NR3C2: variants seen among roughly 807,000 people sequenced by gnomAD.
The protein encoded by NR3C2 is nuclear receptor subfamily 3 group C member 2.
In NR3C2, 15 loss-of-function variants were observed where a neutral mutation model predicts 86.4. The observed-to-expected ratio is 0.17, with a 90% confidence interval of 0.12 to 0.27. The LOEUF (loss-of-function observed/expected upper bound fraction) is 0.27. NR3C2 is among the 10% of genes least tolerant of loss of function. The pLI is 1.00. For missense variants in NR3C2, 960 were observed against 1,195.6 expected (o/e 0.80, Z 2.91); for synonymous variants, 458 against 450.5 (o/e 1.02, Z -0.21).
chr4:148,327,028 A>G (rs1461220220), intron 2 of NR3C2, among the ~76,000 whole-genome samples: 3 of 152,196 alleles, frequency 2.0e-5, no homozygotes, highest in Non-Finnish European at 2.9e-5. Flanking sequence ...CCACGGTTGA[A>G]TAAGAATTAT....
At chr4:148,107,288 A>G (rs1183602785) in intron 8 of NR3C2, among the ~76,000 whole-genome samples, 2 of 152,244 alleles carry the variant, frequency 1.3e-5, no homozygotes, top group Non-Finnish European at 2.9e-5. Context: ...AATAAAAACC[A>G]CGATGAGATA....
intron 4 of NR3C2, among the ~76,000 whole-genome samples, chr4:148,184,732 C>A (rs1404370627): frequency 6.6e-6 from 1 of 152,082 alleles, no homozygotes; most frequent in Non-Finnish European, 1.5e-5. Flanking sequence ...TGGCTGTACC[C>A]TTGTGTCATC....
intron 3 of NR3C2, among the ~76,000 whole-genome samples, chr4:148,235,046 T>A (rs1436794713): frequency 6.6e-6 from 1 of 152,074 alleles, no homozygotes; most frequent in Non-Finnish European, 1.5e-5. Flanking sequence ...GGTCAATAAA[T>A]CGCATTTAAA....
chr4:148,265,122 T>G lies in NR3C2; in HGVS notation c.1758-5005A>C, dbSNP rs1024431050. 1.3e-5 allele frequency among the ~76,000 whole-genome samples: 2 copies of G among 152,290 alleles called. 1 individual carries two copies. The highest frequency in any genetic ancestry group is 4.8e-5 in the African/African-American group (2 of 41,578). On this transcript the variant is annotated intron_variant, in intron 2 of 8. Coordinates refer to ENST00000358102, the MANE Select transcript of NR3C2 (RefSeq NM_000901.5). ...ATTTTATACAAATGTTAAAATATTA[T>G]AAAGGCAGAAATGAGTGAAAATTTT...
chr4:148,402,558 G>A (rs964660363), intron 2 of NR3C2, among the ~76,000 whole-genome samples: 8 of 152,122 alleles, frequency 5.3e-5, no homozygotes, highest in Admixed American at 1.3e-4. Flanking sequence ...GCTCCTCTTC[G>A]GTATGAATTG....
intron 6 of NR3C2, among the ~76,000 whole-genome samples, chr4:148,124,147 A>G (rs1196236088): frequency 1.3e-5 from 2 of 152,212 alleles, no homozygotes; most frequent in Non-Finnish European, 2.9e-5. Context: ...GTGAGGTGGA[A>G]GAATCACTTG....
intron 8 of NR3C2, 121 bp downstream of exon 8, chr4:148,113,983 A>G: frequency 8.5e-7 from 1 of 1,173,614 alleles, no homozygotes; most frequent in East Asian, 2.5e-5. Context: ...GATATCCTTA[A>G]TGGAGTCAAC....
chr4:148,426,922 C>A (rs1749563438), intron 2 of NR3C2, among the ~76,000 whole-genome samples: 1 of 151,992 alleles, frequency 6.6e-6, no homozygotes, highest in African/African-American at 2.4e-5. Context: ...TACTTCTGCT[C>A]CAAACCTATT....
chr4:148,271,070 T>C (rs1046249221), intron 2 of NR3C2, among the ~76,000 whole-genome samples: 14 of 152,178 alleles, frequency 9.2e-5, no homozygotes, highest in Admixed American at 7.9e-4. Flanking sequence ...ATGGTGGTCA[T>C]AGGTCTTCAA....
chr4:148,371,619 GA>G (rs57980467), intron 2 of NR3C2, among the ~76,000 whole-genome samples: 2,175 of 145,118 alleles, frequency 0.015, 49 homozygotes, highest in African/African-American at 0.051. Flanking sequence ...CACTAGAAGA[GA>G]AAAAAAAAAG....
chr4:148,403,675 C>A (rs2126540751), intron 2 of NR3C2, among the ~76,000 whole-genome samples: 1 of 152,098 alleles, frequency 6.6e-6, no homozygotes, highest in South Asian at 2.1e-4. Flanking sequence ...TAGATTTGAT[C>A]ACAGTAATTT....
intron 3 of NR3C2, among the ~76,000 whole-genome samples, chr4:148,243,856 C>T (rs1431990288): frequency 6.6e-6 from 1 of 152,130 alleles, no homozygotes; most frequent in Non-Finnish European, 1.5e-5. Context: ...GCTTTGGTAC[C>T]ATTTCATTAA....
intron 2 of NR3C2, among the ~76,000 whole-genome samples, chr4:148,270,571 G>A (rs1173089643): frequency 6.6e-6 from 1 of 152,028 alleles, no homozygotes; most frequent in Non-Finnish European, 1.5e-5. Flanking sequence ...ACTTTGAGTG[G>A]AATTACCACT....
intron 4 of NR3C2, among the ~76,000 whole-genome samples, chr4:148,185,677 A>G (rs899971818): frequency 6.6e-6 from 1 of 152,204 alleles, no homozygotes; most frequent in Non-Finnish European, 1.5e-5. Flanking sequence ...CATCTCATAC[A>G]TCATTCCAGA....
At chr4:148,286,313 G>A (rs181643395) in intron 2 of NR3C2, among the ~76,000 whole-genome samples, 65 of 152,010 alleles carry the variant, frequency 4.3e-4, no homozygotes, top group Admixed American at 4.3e-3. Flanking sequence ...TCTTTTGTAG[G>A]ACTTTATTTA....
rs1732166753 is a variant in NR3C2 at position 148,114,112 on chromosome 4, T to C, written c.2791A>G (p.Met931Val). 6.2e-7 allele frequency: 1 copy of C among 1,613,418 alleles called. No individual in the cohort carries two copies. The change falls in exon 8 of 9, where the codon ATG (methionine) becomes GTG (valine). Residue 931 changes from methionine (M) to valine (V), a missense_variant. Physicochemically the swap from Met to Val is conservative, Grantham distance 21 (BLOSUM62 1). Coordinates refer to ENST00000358102, the MANE Select transcript of NR3C2 (RefSeq NM_000901.5). ...FYQLTKLLDS[M>V]HDLVSDLLEF... ...GGAGGGGCTCTACTCACGTCATGCA[T>C]GGAGTCCAGCAGCTTGGTCAGTTGG... is the stretch of plus-strand genomic sequence containing the variant.
intron 3 of NR3C2, among the ~76,000 whole-genome samples, chr4:148,219,700 T>A (rs577070509): frequency 4.7e-5 from 7 of 149,860 alleles, no homozygotes; most frequent in African/African-American, 1.8e-4. Context: ...AATCCAGATG[T>A]CTTCTATTAA....
upstream of NR3C2, chr4:148,444,999 GC>G: frequency 2.0e-6 from 2 of 982,560 alleles, no homozygotes; most frequent in Admixed American, 6.2e-5. Context: ...GGGAGCCTGC[GC>G]CCCCCTCCCC....
chr4:148,286,793 A>G (rs776893330), intron 2 of NR3C2, among the ~76,000 whole-genome samples: 3 of 152,212 alleles, frequency 2.0e-5, no homozygotes, highest in Non-Finnish European at 4.4e-5. Context: ...CATCAACATA[A>G]CTATACCAAC....
Sources: gnomAD v4.1 joint callset for allele counts (sites outside exome capture counted in the v4.1 genomes callset) on GRCh38, gnomAD v4.1.1 for gene constraint, MANE v1.5 for transcripts, NCBI Gene and HGNC (gene_info 2026-07-23, HGNC 2026-07-21) for gene names.